LOC128462377: variants seen among roughly 807,000 people sequenced by gnomAD.
the LOC128462377 span, among the ~76,000 whole-genome samples, chr16:89,320,582 A>G: frequency 1.3e-5 from 2 of 152,134 alleles, no homozygotes; most frequent in Admixed American, 1.3e-4. Context: ...CAACCGTCCC[A>G]GCTTCGTGGA....
chr16:89,407,835 C>G, the LOC128462377 span, among the ~76,000 whole-genome samples: 1 of 122,930 alleles, frequency 8.1e-6, no homozygotes, highest in African/African-American at 3.2e-5. Context: ...GAGTGAGAGT[C>G]AGATCCTGTC....
chr16:89,390,466 A>G, the LOC128462377 span, among the ~76,000 whole-genome samples: 10 of 152,284 alleles, frequency 6.6e-5, no homozygotes, highest in Non-Finnish European at 1.2e-4. Context: ...AAGGAGGTGG[A>G]GGGCAGAAAA....
At chr16:89,413,472 A>C in the LOC128462377 span, among the ~76,000 whole-genome samples, 2 of 152,108 alleles carry the variant, frequency 1.3e-5, no homozygotes, top group Admixed American at 1.3e-4. Flanking sequence ...AAAGATACAA[A>C]AAATTAGCCG....
At chr16:89,364,753 A>G in the LOC128462377 span, among the ~76,000 whole-genome samples, 4 of 152,198 alleles carry the variant, frequency 2.6e-5, no homozygotes, top group Non-Finnish European at 5.9e-5. Flanking sequence ...CCTATCTCAC[A>G]CTGTTCCCTG....
At chr16:89,341,598 GC>G in the LOC128462377 span, among the ~76,000 whole-genome samples, 1 of 152,204 alleles carries the variant, frequency 6.6e-6, no homozygotes, top group Non-Finnish European at 1.5e-5. Context: ...ACCACCCACT[GC>G]CTCCTCTCCC....
the LOC128462377 span, among the ~76,000 whole-genome samples, chr16:89,416,995 T>C: frequency 6.6e-6 from 1 of 152,002 alleles, no homozygotes; most frequent in Non-Finnish European, 1.5e-5. Flanking sequence ...TCTCACCTGA[T>C]CACAAACATG....
At chr16:89,397,447 A>T in the LOC128462377 span, among the ~76,000 whole-genome samples, 2 of 152,220 alleles carry the variant, frequency 1.3e-5, no homozygotes, top group African/African-American at 4.8e-5. Flanking sequence ...ACTCCCTGCC[A>T]GCCACACAGG....
At chr16:89,360,766 G>A in the LOC128462377 span, 1 of 152,206 alleles carries the variant, frequency 6.6e-6, no homozygotes, top group Non-Finnish European at 1.5e-5. Context: ...AAGAGGAGAA[G>A]AAAAGATTTC....
chr16:89,418,270 CAGTG>C, the LOC128462377 span: 2 of 453,696 alleles, frequency 4.4e-6, no homozygotes, highest in African/African-American at 4.0e-5. Context: ...ATAGAGAATG[CAGTG>C]AGTATTTACC....
chr16:89,393,091 G>T, the LOC128462377 span, among the ~76,000 whole-genome samples: 1 of 151,976 alleles, frequency 6.6e-6, no homozygotes, highest in Non-Finnish European at 1.5e-5. Context: ...AGGAAACACG[G>T]TCTCCCTCCC....
chr16:89,324,469 TG>T, the LOC128462377 span: 1 of 457,310 alleles, frequency 2.2e-6, no homozygotes, highest in Admixed American at 2.3e-5. Flanking sequence ...TCAACTTGAC[TG>T]GACTAAAGGA....
chr16:89,330,411 G>A, the LOC128462377 span, among the ~76,000 whole-genome samples: 12 of 152,058 alleles, frequency 7.9e-5, no homozygotes, highest in African/African-American at 1.2e-4. Context: ...CTCGCACACC[G>A]GGAGGGCTGC....
chr16:89,407,648 C>T, the LOC128462377 span, among the ~76,000 whole-genome samples: 1 of 151,998 alleles, frequency 6.6e-6, no homozygotes, highest in Admixed American at 6.6e-5. Flanking sequence ...CGGCGAGACG[C>T]CGTCTCTATC....
the LOC128462377 span, among the ~76,000 whole-genome samples, chr16:89,393,121 TTC>T: frequency 6.6e-6 from 1 of 152,038 alleles, no homozygotes; most frequent in African/African-American, 2.4e-5. Context: ...CCTGCATACC[TTC>T]TCTCACAGGA....
At chr16:89,347,843 A>G in the LOC128462377 span, among the ~76,000 whole-genome samples, 1 of 152,208 alleles carries the variant, frequency 6.6e-6, no homozygotes, top group African/African-American at 2.4e-5. Context: ...GGTGTCAGTC[A>G]GTGGGTGTTT....
At chr16:89,373,127 G>A in the LOC128462377 span, 1 of 152,212 alleles carries the variant, frequency 6.6e-6, no homozygotes, top group Non-Finnish European at 1.5e-5. Flanking sequence ...GCCCTTCTGA[G>A]GGATGCCCTG....
the LOC128462377 span, among the ~76,000 whole-genome samples, chr16:89,384,097 G>A: frequency 2.0e-5 from 3 of 152,200 alleles, no homozygotes; most frequent in African/African-American, 7.2e-5. Flanking sequence ...GCAGGCGCTT[G>A]TAATCCCAGC....
chr16:89,335,402 G>C, the LOC128462377 span, among the ~76,000 whole-genome samples: 1 of 152,232 alleles, frequency 6.6e-6, no homozygotes, highest in South Asian at 2.1e-4. Context: ...GGAGCAGCTT[G>C]AGGCCTCTGC....
At chr16:89,410,066 C>T in the LOC128462377 span, among the ~76,000 whole-genome samples, 7 of 152,300 alleles carry the variant, frequency 4.6e-5, no homozygotes, top group Middle Eastern at 3.4e-3. Context: ...GTCTCGATCT[C>T]CTGACCTCGT....
Sources: allele counts gnomAD v4.1 joint callset (sites outside exome capture counted in the v4.1 genomes callset), GRCh38; gene constraint gnomAD v4.1.1; transcripts MANE v1.5.